SH3RF3: variants seen among roughly 807,000 people sequenced by gnomAD.
SH3RF3 encodes the protein SH3 domain containing ring finger 3, also known as E3 ubiquitin-protein ligase SH3RF3.
SH3RF3 carries 29 observed loss-of-function variants against 66.3 expected under a neutral mutation model. The ratio of observed to expected loss-of-function variants is 0.44; its 90% CI spans 0.33 to 0.60. The LOEUF is 0.60. Ranked by LOEUF, SH3RF3 falls within the 20% of genes least tolerant of loss-of-function variation. The probability of loss-of-function intolerance (pLI) is 0.04; values close to 1 mark genes in which losing one functional copy is unlikely to be tolerated. For missense variants in SH3RF3, 1,194 were observed against 1,190.9 expected (o/e 1.00, Z -0.04); for synonymous variants, 583 against 532.0 (o/e 1.10, Z -1.32).
At chr2:109,431,572 C>G (rs1448191648) in intron 5 of SH3RF3, among the ~76,000 whole-genome samples, 1 of 152,222 alleles carries the variant, frequency 6.6e-6, no homozygotes, top group Non-Finnish European at 1.5e-5. Flanking sequence ...ACTAAATTTG[C>G]TCTTTCCTTA....
At chr2:109,171,117 G>C (rs1677770359) in intron 1 of SH3RF3, among the ~76,000 whole-genome samples, 1 of 152,180 alleles carries the variant, frequency 6.6e-6, no homozygotes, top group African/African-American at 2.4e-5. Context: ...CTCTTCCTCA[G>C]TAATCTGCAG....
chr2:109,369,938 T>A (rs1469128820), intron 2 of SH3RF3, among the ~76,000 whole-genome samples: 1 of 152,120 alleles, frequency 6.6e-6, no homozygotes, highest in East Asian at 1.9e-4. Context: ...GAAAGGCGGG[T>A]GGTGCACTCA....
At chr2:109,250,859 CA>C (rs1183147413) in intron 1 of SH3RF3, among the ~76,000 whole-genome samples, 1 of 151,646 alleles carries the variant, frequency 6.6e-6, no homozygotes, top group Non-Finnish European at 1.5e-5. Flanking sequence ...TTAGGTAGAA[CA>C]AAAAATCAAA....
At chr2:109,408,254 C>T (rs1382474357) in intron 4 of SH3RF3, among the ~76,000 whole-genome samples, 2 of 152,152 alleles carry the variant, frequency 1.3e-5, no homozygotes, top group Non-Finnish European at 1.5e-5. Flanking sequence ...GGAGGAAGGG[C>T]CTCGATCAGT....
At chr2:109,317,326 C>T (rs964070794) in intron 1 of SH3RF3, among the ~76,000 whole-genome samples, 4 of 152,076 alleles carry the variant, frequency 2.6e-5, no homozygotes, top group Non-Finnish European at 4.4e-5. Flanking sequence ...CCTGAGGGGG[C>T]GTCTGTGGGC....
At chr2:109,226,841 CA>C (rs1467041491) in intron 1 of SH3RF3, among the ~76,000 whole-genome samples, 1 of 152,220 alleles carries the variant, frequency 6.6e-6, no homozygotes, top group African/African-American at 2.4e-5. Flanking sequence ...AGGACCCCTA[CA>C]GCTGCAGGAG....
intron 1 of SH3RF3, among the ~76,000 whole-genome samples, chr2:109,320,488 G>T (rs1034189994): frequency 2.0e-5 from 3 of 152,154 alleles, no homozygotes; most frequent in Non-Finnish European, 4.4e-5. Context: ...CTTAACCAAG[G>T]CCAGTTATAC....
rs397940375 is a variant in SH3RF3 at position 109,468,855 on chromosome 2, G to GAA, written c.2148+19386_2148+19387dup. Among the ~76,000 whole-genome samples the GAA allele has an allele frequency of 1.0e-2, 647 of 64,792 alleles. 11 individuals are homozygous for GAA. Among genetic ancestry groups the GAA allele is most frequent in the African/African-American group, 0.031 (568 of 18,456 alleles). 42.5% of individuals were successfully genotyped at this position (64,792 alleles called of 152,430 possible). A position where few individuals can be genotyped will look rare whatever the true frequency, so the allele number is the denominator to read the frequency against. ...GGCAACAAAGCAAGACTCTGTCTCA[G>GAA]AAAAAAAAAAAAAAAAAAAAAGTTA... On this transcript the variant is annotated intron_variant, in intron 8 of 9. Transcript: ENST00000309415.
At chr2:109,234,772 A>C (rs1453432727) in intron 1 of SH3RF3, among the ~76,000 whole-genome samples, 4 of 152,226 alleles carry the variant, frequency 2.6e-5, no homozygotes, top group Admixed American at 2.0e-4. Flanking sequence ...TTGCTGAAAC[A>C]AATTACATCT....
chr2:109,195,392 A>G (rs1442088182), intron 1 of SH3RF3, among the ~76,000 whole-genome samples: 1 of 152,260 alleles, frequency 6.6e-6, no homozygotes, highest in Non-Finnish European at 1.5e-5. Context: ...CTCTGGGACC[A>G]GGCAGGCCCT....
chr2:109,408,079 G>C (rs1041852473), intron 4 of SH3RF3, among the ~76,000 whole-genome samples: 2 of 152,146 alleles, frequency 1.3e-5, no homozygotes, highest in African/African-American at 4.8e-5. Context: ...GCTCTGGGTG[G>C]GCACTTGCTG....
At chr2:109,227,863 T>C (rs140519172) in intron 1 of SH3RF3, among the ~76,000 whole-genome samples, 1 of 152,220 alleles carries the variant, frequency 6.6e-6, no homozygotes, top group Admixed American at 6.5e-5. Flanking sequence ...TCGCTCCGCC[T>C]TTCATCGGTT....
chr2:109,402,085 G>A (rs1191058849), intron 4 of SH3RF3, among the ~76,000 whole-genome samples: 1 of 152,236 alleles, frequency 6.6e-6, no homozygotes, highest in Non-Finnish European at 1.5e-5. Flanking sequence ...AGGGGCACCT[G>A]GTGCAGGTGT....
intron 3 of SH3RF3, among the ~76,000 whole-genome samples, chr2:109,386,492 TC>T: frequency 6.6e-6 from 1 of 152,178 alleles, no homozygotes; most frequent in Non-Finnish European, 1.5e-5. Context: ...AGGCGGGCTG[TC>T]CCTCAAACAA....
At chr2:109,256,377 G>C (rs1680221678) in intron 1 of SH3RF3, among the ~76,000 whole-genome samples, 1 of 152,194 alleles carries the variant, frequency 6.6e-6, no homozygotes, top group South Asian at 2.1e-4. Flanking sequence ...GTGTCATTAG[G>C]GATATGAGCG....
intron 1 of SH3RF3, among the ~76,000 whole-genome samples, chr2:109,180,308 G>A (rs939156345): frequency 6.6e-6 from 1 of 152,146 alleles, no homozygotes; most frequent in African/African-American, 2.4e-5. Context: ...TGATTTGGCA[G>A]ATGGTATTGA....
At chr2:109,387,003 T>C (rs2104398425) in intron 3 of SH3RF3, among the ~76,000 whole-genome samples, 1 of 152,256 alleles carries the variant, frequency 6.6e-6, no homozygotes, top group Non-Finnish European at 1.5e-5. Context: ...TGGCTATTGC[T>C]CAAAATAAGA....
At chr2:109,375,025 T>C (rs1279015150) in intron 3 of SH3RF3, among the ~76,000 whole-genome samples, 1 of 152,218 alleles carries the variant, frequency 6.6e-6, no homozygotes, top group African/African-American at 2.4e-5. Flanking sequence ...CTTGCACTGC[T>C]TCAGCTGCTT....
chr2:109,388,249 GC>G (rs1241776092), intron 3 of SH3RF3, among the ~76,000 whole-genome samples: 2 of 152,194 alleles, frequency 1.3e-5, no homozygotes, highest in Middle Eastern at 3.2e-3. Flanking sequence ...TCTCAGCCAA[GC>G]CTTTCTCTAG....
Sources: allele counts gnomAD v4.1 joint callset (sites outside exome capture counted in the v4.1 genomes callset), GRCh38; gene constraint gnomAD v4.1.1; transcripts MANE v1.5; gene names NCBI Gene and HGNC (gene_info 2026-07-23, HGNC 2026-07-21).